The following CASZ1 variants were observed in gnomAD, a reference collection of about 807,000 sequenced individuals.
The protein encoded by CASZ1 is zinc finger protein castor homolog 1.
In CASZ1, 28 loss-of-function variants were observed where a neutral mutation model predicts 135.2. That is an observed-to-expected ratio of 0.21 (90% CI 0.15 to 0.28). The LOEUF (loss-of-function observed/expected upper bound fraction) is 0.28, where lower values mean the gene tolerates loss of function less well. Among genes scored for constraint, CASZ1 ranks in the 10% least tolerant of loss-of-function variants. The pLI, the probability that CASZ1 is intolerant of heterozygous loss-of-function variation, is 1.00. For missense variants in CASZ1, 2,161 were observed against 2,453.3 expected, an observed-to-expected ratio of 0.88 and a Z score of 2.52; for synonymous variants, 1,068 against 1,073.4, an observed-to-expected ratio of 0.99 and a Z score of 0.10.
chr1:10,772,462 T>A (rs1640593285), intron 1 of CASZ1, among the ~76,000 whole-genome samples: 1 of 152,132 alleles, frequency 6.6e-6, no homozygotes, highest in South Asian at 2.1e-4. Context: ...GAGCAGGGTG[T>A]CCCTGCTCTC....
rs1321331782 is a variant in CASZ1, at chr1:10,694,106, G to A, written c.-23-194C>T. Among the ~76,000 whole-genome samples the A allele has an allele frequency of 6.6e-6, 1 of 151,354 alleles. No homozygotes were observed. Among genetic ancestry groups the A allele is most frequent in the Non-Finnish European group, 1.5e-5 (1 of 67,826 alleles). ...CTCACGCTCGGCCCCGCACGCGCCC[G>A]CGGGTCCGCGCCGCCTGAGTTTCTC... On this transcript the variant is annotated intron_variant, in intron 3 of 20. Coordinates refer to ENST00000377022, the MANE Select transcript of CASZ1 (RefSeq NM_001079843.3). This position sits in a 1 kb window ranked among gnomAD's most constrained non-coding sequence, Gnocchi z 6.6.
rs893607143 is a variant in CASZ1 at position 10,756,315 on chromosome 1, C to A, written c.-77+4386G>T. On this transcript the variant is annotated intron_variant, in intron 2 of 20. Transcript: ENST00000377022. This position sits in a 1 kb window ranked among gnomAD's most constrained non-coding sequence, Gnocchi z 5.9. ...ATCCCCGATGCACCCCCCACCCTCG[C>A]CCCCGCAAGACATCACCGGCCCTCC... is the stretch of plus-strand genomic sequence containing the variant. Among the ~76,000 whole-genome samples, 2 of 152,314 alleles carry A rather than the reference C, an allele frequency of 1.3e-5. No individual in the cohort carries two copies. Among genetic ancestry groups the A allele is most frequent in the Admixed American group, 6.5e-5 (1 of 15,308 alleles).
At position 10,643,226 on chromosome 1, in the gene CASZ1, G is replaced by A. The variant is rs1642265655; in HGVS notation, c.3954C>T (p.Thr1318=). ...QFSFLLKHQM[T]SHARKHMRRM... ...TCCGCATGTGCTTCCGCGCGTGGGA[G>A]GTCATCTGGTGCTTGAGGAGGAAGG... The change falls in exon 19 of 21, where the codon ACC becomes ACT. Residue 1318 remains threonine, a synonymous_variant. Transcript: ENST00000377022. 1 of 1,612,958 alleles carries A rather than the reference G, an allele frequency of 6.2e-7. No individual in the cohort carries two copies. Among genetic ancestry groups the A allele is most frequent in the African/African-American group, 1.3e-5 (1 of 75,028 alleles).
At chr1:10,745,179 T>TA (rs1179289703) in intron 2 of CASZ1, among the ~76,000 whole-genome samples, 1 of 152,134 alleles carries the variant, frequency 6.6e-6, no homozygotes, top group African/African-American at 2.4e-5. Context: ...ACAGAGTTCT[T>TA]ACCAAATTTT....
At chr1:10,656,805 GC>G in intron 7 of CASZ1, 69 bp from the exon 8 acceptor site, 1 of 1,050,490 alleles carries the variant, frequency 9.5e-7, no homozygotes, top group Non-Finnish European at 1.4e-6. Flanking sequence ...CCCAGCCCCA[GC>G]CCCAGGGAGG....
At chr1:10,686,906 C>T (rs1638610958) in intron 4 of CASZ1, among the ~76,000 whole-genome samples, 1 of 152,222 alleles carries the variant, frequency 6.6e-6, no homozygotes, top group African/African-American at 2.4e-5. Context: ...GCACCCCCTG[C>T]CGGGCAGTGG....
chr1:10,716,163 CCCACAGCACCCAATCCGCTCT>C lies in CASZ1; in HGVS notation c.-76-10640_-76-10620del, dbSNP rs1639388840. 3.3e-5 allele frequency among the ~76,000 whole-genome samples: 5 copies of C among 150,596 alleles called. No individual in the cohort carries two copies. The South Asian group carries it at 1.1e-3, about 32-fold the overall frequency. On this transcript the variant is annotated intron_variant, in intron 2 of 20. Coordinates refer to ENST00000377022, the MANE Select transcript of CASZ1 (RefSeq NM_001079843.3). ...GCTCCCCACAGCACCCAATCCACAA[CCCACAGCACCCAATCCGCTCT>C]CCACAGCACCCAATCTGCTCCCCAC... is the stretch of plus-strand genomic sequence containing the variant.
At position 10,739,431 on chromosome 1, in the gene CASZ1, T is replaced by C. The variant is rs1383896881; in HGVS notation, c.-77+21270A>G. On this transcript the variant is annotated intron_variant, in intron 2 of 20. Coordinates refer to ENST00000377022, the MANE Select transcript of CASZ1 (RefSeq NM_001079843.3). This position sits in a 1 kb window ranked among gnomAD's most constrained non-coding sequence, Gnocchi z 4.8. ...GCAGGGAAGGGCATGGGGCACAGCA[T>C]GTGTGTGGCCCACACAAGGGCGGTC... Among the ~76,000 whole-genome samples, 2 of 152,068 alleles carry C rather than the reference T, an allele frequency of 1.3e-5. No homozygotes were observed. Among genetic ancestry groups the C allele is most frequent in the African/African-American group, 4.8e-5 (2 of 41,390 alleles).
chr1:10,647,104 G>A lies in CASZ1; in HGVS notation c.3497+697C>T, dbSNP rs965595345. ...GAGCTGCTACTCTGGGGAGGAGGAG[G>A]GGGAGGGGAGGCTGGTGGGGGGGAC... On this transcript the variant is annotated intron_variant, in intron 16 of 20. Transcript: ENST00000377022. This position sits in a 1 kb window ranked among gnomAD's most constrained non-coding sequence, Gnocchi z 4.9. 2.8e-6 allele frequency: 1 copy of A among 361,526 alleles called. No homozygotes were observed. The highest frequency in any genetic ancestry group is 3.9e-6 in the Non-Finnish European group (1 of 259,300). The allele number at this position is 361,526 out of a possible 1,614,324, so 22.4% of individuals were successfully genotyped here.
intron 4 of CASZ1, among the ~76,000 whole-genome samples, chr1:10,675,740 G>A (rs1444824371): frequency 6.6e-6 from 1 of 152,190 alleles, no homozygotes; most frequent in South Asian, 2.1e-4. Flanking sequence ...GAACTCTCCT[G>A]GCCCCTATTA....
At position 10,660,505 on chromosome 1, in the gene CASZ1, G is replaced by A. The variant is rs1194283049; in HGVS notation, c.537C>T (p.Ala179=). Residue 179 remains alanine, a synonymous_variant, in exon 6 of 21, where the codon GCC becomes GCT. Transcript: ENST00000377022. ...TGCCGAGGAACTCGGTCATGGTGGA[G>A]GCCGCGTAGTCCCGCAGCGAGGAGG... The part of the protein sequence containing the change: ...GEASSLRDYA[A]STMTEFLGMF... The A allele has an allele frequency of 3.7e-6, 6 of 1,613,608 alleles. No individual in the cohort carries two copies. In the Admixed American group the frequency reaches 1.0e-4, roughly 27 times the overall value.
intron 1 of CASZ1, among the ~76,000 whole-genome samples, chr1:10,783,245 AAGTGTGTGTG>A (rs954217998): frequency 2.7e-4 from 20 of 74,868 alleles, no homozygotes; most frequent in African/African-American, 9.3e-4. Flanking sequence ...GCCAGTGGAG[AAGTGTGTGTG>A]TGTGTGTGTG....
At chr1:10,763,227 T>A (rs1640412341) in intron 1 of CASZ1, among the ~76,000 whole-genome samples, 1 of 152,076 alleles carries the variant, frequency 6.6e-6, no homozygotes, top group African/African-American at 2.4e-5. Flanking sequence ...AGAGGCCGGG[T>A]CTCTGTGACC....
chr1:10,770,542 A>C (rs886916920), intron 1 of CASZ1, among the ~76,000 whole-genome samples: 1 of 152,116 alleles, frequency 6.6e-6, no homozygotes, highest in African/African-American at 2.4e-5. Context: ...GTCCCAGCCA[A>C]CTGGGCCCCT....
chr1:10,796,354 G>A (rs996706913), intron 1 of CASZ1, among the ~76,000 whole-genome samples: 1 of 152,100 alleles, frequency 6.6e-6, no homozygotes, highest in African/African-American at 2.4e-5. Flanking sequence ...CCCTGCCTCC[G>A]CACGGCCGGA....
At position 10,700,001 on chromosome 1, in the gene CASZ1, A is replaced by C. The variant is rs1477843533; in HGVS notation, c.-24+5491T>G. Among the ~76,000 whole-genome samples, 3 of 152,034 alleles carry C rather than the reference A, an allele frequency of 2.0e-5. No homozygotes were observed. The highest frequency in any genetic ancestry group is 7.3e-5 in the African/African-American group (3 of 41,366). ...GAGAAAGAGAGACAGGCAGAGAGAGAGAGAGAAACAGAGACAGAGAAAGAG... is the reference window on the plus strand; with the variant it reads ...GAGAAAGAGAGACAGGCAGAGAGAGCGAGAGAAACAGAGACAGAGAAAGAG... On this transcript the variant is annotated intron_variant, in intron 3 of 20. Transcript: ENST00000377022. This position sits in a 1 kb window ranked among gnomAD's most constrained non-coding sequence, Gnocchi z 4.2.
In CASZ1 at chr1:10,666,916, A is replaced by C. The variant is rs1169152335; in HGVS notation, c.17-1345T>G. 2.6e-5 allele frequency among the ~76,000 whole-genome samples: 4 copies of C among 152,246 alleles called. No homozygotes were observed. Among genetic ancestry groups the C allele is most frequent in the Admixed American group, 2.0e-4 (3 of 15,290 alleles). ...GGGGCTTGGGGACAGCGCAGTGGCC[A>C]CAGCAGCAGGGGCTCGGCTCACACT... On this transcript the variant is annotated intron_variant, in intron 4 of 20. Coordinates refer to ENST00000377022, the MANE Select transcript of CASZ1 (RefSeq NM_001079843.3). The surrounding 1 kb of genome is among the most constrained non-coding windows in gnomAD (Gnocchi z 5.2).
At position 10,747,903 on chromosome 1, in the gene CASZ1, G is replaced by A. The variant is rs991424064; in HGVS notation, c.-77+12798C>T. ...GTGATCTCAGCTCACTGCAAGCTCC[G>A]CCTCCTGGGTTCACGCCATTCTCCT... is the stretch of plus-strand genomic sequence containing the variant. On this transcript the variant is annotated intron_variant, in intron 2 of 20. Transcript: ENST00000377022. This position sits in a 1 kb window ranked among gnomAD's most constrained non-coding sequence, Gnocchi z 4.3. 6.6e-6 allele frequency among the ~76,000 whole-genome samples: 1 copy of A among 150,754 alleles called. No individual in the cohort carries two copies. Among genetic ancestry groups the A allele is most frequent in the East Asian group, 2.0e-4 (1 of 5,100 alleles).
intron 4 of CASZ1, among the ~76,000 whole-genome samples, chr1:10,688,048 T>C (rs1464430931): frequency 2.0e-5 from 3 of 152,078 alleles, no homozygotes; most frequent in African/African-American, 7.2e-5. Context: ...CACCAGCACT[T>C]ACAGCAGGAA....
Sources: allele counts gnomAD v4.1 joint callset (sites outside exome capture counted in the v4.1 genomes callset), GRCh38; gene constraint gnomAD v4.1.1; non-coding constraint Gnocchi (gnomAD v3.1); transcripts MANE v1.5; gene names NCBI Gene and HGNC (gene_info 2026-07-23, HGNC 2026-07-21).